The following THOC2 variants were observed in gnomAD, a reference collection of about 807,000 sequenced individuals.
The protein encoded by THOC2 is THO complex 2.
THOC2 carries 10 observed loss-of-function variants against 128.4 expected under a neutral mutation model. That is an observed-to-expected ratio of 0.08 (90% CI 0.05 to 0.13). The LOEUF is 0.13. Among genes scored for constraint, THOC2 ranks in the 10% least tolerant of loss-of-function variants. The pLI, the probability that THOC2 is intolerant of heterozygous loss-of-function variation, is 1.00. For missense variants in THOC2, 535 were observed against 1,155.7 expected, an observed-to-expected ratio of 0.46 and a Z score of 7.79; for synonymous variants, 393 against 396.9, an observed-to-expected ratio of 0.99 and a Z score of 0.12.
At chrX:123,605,550 CAA>C (rs2147509957) in intron 38 of THOC2, among the ~76,000 whole-genome samples, 1 of 111,534 alleles carries the variant, frequency 9.0e-6, no homozygotes, top group African/African-American at 3.3e-5. Flanking sequence ...TATGCTGCAG[CAA>C]ATAAGCAAGC....
chrX:123,706,384 A>G (rs1449901640), intron 3 of THOC2, among the ~76,000 whole-genome samples: 1 of 109,942 alleles, frequency 9.1e-6, no homozygotes, highest in Non-Finnish European at 1.9e-5. Flanking sequence ...TTTTTTTTTA[A>G]TTATACTTTA....
At chrX:123,714,905 A>G (rs975784821) in intron 1 of THOC2, among the ~76,000 whole-genome samples, 1 of 112,095 alleles carries the variant, frequency 8.9e-6, no homozygotes, top group Non-Finnish European at 1.9e-5. Context: ...AAAGAATGAA[A>G]TCAAAAAGGA....
chrX:123,616,298 A>G (rs2046890640), intron 33 of THOC2, among the ~76,000 whole-genome samples: 1 of 111,163 alleles, frequency 9.0e-6, no homozygotes, highest in South Asian at 3.7e-4. Context: ...CTACTTTTAC[A>G]TACTTCCTAG....
chrX:123,674,751 A>AT (rs1411213688), intron 8 of THOC2, among the ~76,000 whole-genome samples: 1 of 111,328 alleles, frequency 9.0e-6, no homozygotes, highest in Non-Finnish European at 1.9e-5. Context: ...AATAATTAAC[A>AT]TTTTAAACTT....
At chrX:123,668,819 G>A (rs2049147793) in intron 9 of THOC2, among the ~76,000 whole-genome samples, 1 of 111,802 alleles carries the variant, frequency 8.9e-6, no homozygotes, top group Non-Finnish European at 1.9e-5. Flanking sequence ...ACTTTTTCTA[G>A]GAGCTTATTT....
rs948921893 is a variant in THOC2 at position 123,710,757 on chromosome X, A to C, written c.130+2093T>G. On this transcript the variant is annotated intron_variant, in intron 2 of 38. Transcript: ENST00000245838. ...GTAATCCCAGCTCTTTGGGAGGCTAAGGTGTGCGAATCGCCTGAGGTCAGG... is the reference window on the plus strand; with the variant it reads ...GTAATCCCAGCTCTTTGGGAGGCTACGGTGTGCGAATCGCCTGAGGTCAGG... 3.7e-5 allele frequency among the ~76,000 whole-genome samples: 4 copies of C among 109,288 alleles called. No individual in the cohort carries two copies. The East Asian group carries it at 1.2e-3, about 32-fold the overall frequency. 94.9% of individuals were successfully genotyped at this position (109,288 alleles called of 115,157 possible). A position where few individuals can be genotyped will look rare whatever the true frequency, so the allele number is the denominator to read the frequency against.
At chrX:123,602,100 T>G (rs1259358943) in intron 38 of THOC2, 1 of 112,846 alleles carries the variant, frequency 8.9e-6, no homozygotes, top group African/African-American at 3.2e-5. Flanking sequence ...AAGCTAATGC[T>G]TAATGCATTA....
intron 15 of THOC2, among the ~76,000 whole-genome samples, chrX:123,643,514 T>C (rs1165617469): frequency 9.0e-6 from 1 of 111,162 alleles, no homozygotes; most frequent in Non-Finnish European, 1.9e-5. Context: ...CATACAGTAA[T>C]AGCTCCCTAA....
chrX:123,728,023 C>T (rs1175853603), intron 1 of THOC2, among the ~76,000 whole-genome samples: 1 of 112,312 alleles, frequency 8.9e-6, no homozygotes, highest in Admixed American at 9.5e-5. Flanking sequence ...ATTATGCTCA[C>T]ATCTCAAATG....
At chrX:123,698,841 C>T (rs1339822344) in intron 4 of THOC2, among the ~76,000 whole-genome samples, 1 of 108,234 alleles carries the variant, frequency 9.2e-6, no homozygotes, top group African/African-American at 3.4e-5. Flanking sequence ...CGCCACTGCA[C>T]TCCAGCCTGG....
intron 20 of THOC2, among the ~76,000 whole-genome samples, chrX:123,633,550 C>T (rs2047562830): frequency 9.0e-6 from 1 of 111,044 alleles, no homozygotes. Context: ...TTACAGGCAC[C>T]CACCACTACA....
At chrX:123,682,589 A>G (rs1003185361) in intron 8 of THOC2, among the ~76,000 whole-genome samples, 19 of 111,872 alleles carry the variant, frequency 1.7e-4, no homozygotes, top group African/African-American at 5.8e-4. Flanking sequence ...TCAACTTTTC[A>G]ATGAGTATTC....
intron 1 of THOC2, among the ~76,000 whole-genome samples, chrX:123,713,222 T>C (rs956377039): frequency 1.2e-4 from 13 of 111,891 alleles, no homozygotes; most frequent in African/African-American, 4.2e-4. Context: ...CCTGTAATCC[T>C]AGCACTTTGG....
intron 29 of THOC2, 57 bp downstream of exon 29, chrX:123,623,048 C>T: frequency 9.1e-7 from 1 of 1,094,796 alleles, no homozygotes; most frequent in Admixed American, 2.6e-5. Flanking sequence ...TGATACAAAA[C>T]ATTTCACTTT....
intron 4 of THOC2, among the ~76,000 whole-genome samples, chrX:123,701,634 T>C (rs758056352): frequency 8.2e-5 from 9 of 109,523 alleles, no homozygotes; most frequent in Non-Finnish European, 1.5e-4. Context: ...CTTACAGTCT[T>C]ACAAATTTAT....
rs757169801 is a variant in THOC2, at chrX:123,636,778, C to A, written c.1922-603G>T. On this transcript the variant is annotated intron_variant, in intron 18 of 38. Coordinates refer to ENST00000245838, the MANE Select transcript of THOC2 (RefSeq NM_001081550.2). Reference sequence around the variant, plus strand: ...CCAGCCAATACAAGAGTAGGAGATTCAAGTAAAGTCAAGTGCTCTGCAGCC... The same window carrying A: ...CCAGCCAATACAAGAGTAGGAGATTAAAGTAAAGTCAAGTGCTCTGCAGCC... Among the ~76,000 whole-genome samples the A allele has an allele frequency of 4.4e-4, 49 of 111,701 alleles. 1 individual carries two copies. The highest frequency in any genetic ancestry group is 8.1e-4 in the Non-Finnish European group (43 of 53,115).
chrX:123,644,009 C>T (rs1414023957), intron 15 of THOC2, among the ~76,000 whole-genome samples: 2 of 112,339 alleles, frequency 1.8e-5, no homozygotes, highest in African/African-American at 6.5e-5. Context: ...ATCTGAAGTA[C>T]ATGATTTTCA....
Position 123,634,005 on chromosome X carries a change from A to G in THOC2, c.2084T>C (p.Met695Thr). The change falls in exon 20 of 39, where the codon ATG becomes ACG. Residue 695 changes from methionine (M) to threonine (T), a missense_variant. Physicochemically the swap from Met to Thr is moderately conservative, Grantham distance 81 (BLOSUM62 -1). This residue lies in a region of THOC2 where 90 missense variants were observed against 298.6 expected (regional missense o/e 0.30). Transcript: ENST00000245838. Reference sequence around the variant, plus strand: ...CATAGCCTCTAGTTGCTCCATTGTCATTTCCTCTGTAATTTCTATTCCTGC... The same window carrying G: ...CATAGCCTCTAGTTGCTCCATTGTCGTTTCCTCTGTAATTTCTATTCCTGC... ...KMAGIEITEE[M>T]TMEQLEAMTG... is the part of the protein sequence containing the mutation. 1 of 1,208,077 alleles carries G rather than the reference A, an allele frequency of 8.3e-7. No homozygotes were observed. The highest frequency in any genetic ancestry group is 1.1e-6 in the Non-Finnish European group (1 of 892,829).
chrX:123,688,940 A>C (rs1192247202), intron 7 of THOC2, among the ~76,000 whole-genome samples: 2 of 111,984 alleles, frequency 1.8e-5, no homozygotes, highest in Non-Finnish European at 3.8e-5. Flanking sequence ...CACTAAATAA[A>C]AATGAATTAA....
Sources: allele counts gnomAD v4.1 joint callset (sites outside exome capture counted in the v4.1 genomes callset), GRCh38; gene constraint gnomAD v4.1.1; regional missense constraint gnomAD v4.1.1; transcripts MANE v1.5; gene names NCBI Gene and HGNC (gene_info 2026-07-23, HGNC 2026-07-21).